The following AP3M1 variants were observed in gnomAD, a reference collection of about 807,000 sequenced individuals.
The protein encoded by AP3M1 is AP-3 complex subunit mu-1.
AP3M1 carries 29 observed loss-of-function variants against 42.6 expected under a neutral mutation model. The ratio of observed to expected loss-of-function variants is 0.68; its 90% CI spans 0.51 to 0.93. The LOEUF (loss-of-function observed/expected upper bound fraction) is 0.93, where lower values mean the gene tolerates loss of function less well. Among genes scored for constraint, AP3M1 ranks in the 40% least tolerant of loss-of-function variants. The pLI, the probability that AP3M1 is intolerant of heterozygous loss-of-function variation, is 0.00. For missense variants in AP3M1, 416 were observed against 510.2 expected, an observed-to-expected ratio of 0.82 and a Z score of 1.78; for synonymous variants, 178 against 175.3, an observed-to-expected ratio of 1.02 and a Z score of -0.12.
intron 1 of AP3M1, among the ~76,000 whole-genome samples, chr10:74,149,282 T>G (rs1028941426): frequency 2.3e-5 from 2 of 88,744 alleles, no homozygotes; most frequent in Non-Finnish European, 2.1e-5. Context: ...TTTTTTTTTT[T>G]TTTTTTTTTT....
chr10:74,133,161 G>A (rs1470290827), intron 4 of AP3M1, among the ~76,000 whole-genome samples: 2 of 152,072 alleles, frequency 1.3e-5, no homozygotes, highest in Non-Finnish European at 2.9e-5. Flanking sequence ...TTGGGAGGCC[G>A]AAACGGGCAG....
rs1280245524 is a variant in AP3M1, at chr10:74,120,908, T to C, written c.*2902A>G. On this transcript the variant is annotated 3_prime_UTR_variant, in exon 9 of 9. Coordinates refer to ENST00000355264, the MANE Select transcript of AP3M1 (RefSeq NM_012095.6). ...AGGGCTATAAAACAGAGTTAGCTTT[T>C]GGGGACATAGTCCTCTTCTTCCTTA... The C allele has an allele frequency of 6.6e-6, 1 of 152,218 alleles. No individual in the cohort carries two copies. Among genetic ancestry groups the C allele is most frequent in the Non-Finnish European group, 1.5e-5 (1 of 68,038 alleles). The allele number at this position is 152,218 out of a possible 1,614,324, so 9.4% of individuals were successfully genotyped here.
chr10:74,147,059 T>C (rs1841351715), intron 1 of AP3M1, among the ~76,000 whole-genome samples: 1 of 151,702 alleles, frequency 6.6e-6, no homozygotes, highest in African/African-American at 2.4e-5. Flanking sequence ...AAAGTGGGAG[T>C]ATCACCTGAG....
At chr10:74,128,413 GT>G (rs1840682776) in intron 6 of AP3M1, among the ~76,000 whole-genome samples, 1 of 151,742 alleles carries the variant, frequency 6.6e-6, no homozygotes, top group African/African-American at 2.4e-5. Context: ...CTAATTTTGT[GT>G]TTTTAGTAGA....
chr10:74,136,642 G>A lies in AP3M1; in HGVS notation c.435C>T (p.Asn145=), dbSNP rs1564549972. The part of the protein sequence containing the change: ...KPPTILRSVV[N]SITGSSNVGD... The stretch of plus-strand genomic sequence containing the variant: ...ATGTTTTCATCTTACCTGTAATAGA[G>A]TTGACAACAGAGCGTAGAATTGTTG... The change falls in exon 3 of 9, where the codon AAC becomes AAT. Residue 145 remains asparagine, a synonymous_variant. Coordinates refer to ENST00000355264, the MANE Select transcript of AP3M1 (RefSeq NM_012095.6). 1.5e-5 allele frequency: 24 copies of A among 1,565,032 alleles called. No individual in the cohort carries two copies. Among genetic ancestry groups the A allele is most frequent in the Non-Finnish European group, 2.1e-5 (24 of 1,143,884 alleles).
Position 74,138,151 on chromosome 10 carries a change from G to T in AP3M1, c.229C>A (p.Leu77Ile). ...VSVIQTEVPPLFVIEFLHRVA... is the reference protein window; with the variant it reads ...VSVIQTEVPPIFVIEFLHRVA... ...CGATGTAGGAACTCAATTACAAAGA[G>T]AGGTGGCACTTCGGTCTGTATGACA... The change falls in exon 2 of 9, where the codon CTC (leucine) becomes ATC (isoleucine). Residue 77 changes from leucine (L) to isoleucine (I), a missense_variant. Leu to Ile is a conservative substitution (Grantham distance 5, BLOSUM62 2). Coordinates refer to ENST00000355264, the MANE Select transcript of AP3M1 (RefSeq NM_012095.6). 1 of 1,614,130 alleles carries T rather than the reference G, an allele frequency of 6.2e-7. No individual in the cohort carries two copies. Among genetic ancestry groups the T allele is most frequent in the Non-Finnish European group, 8.5e-7 (1 of 1,180,006 alleles).
At position 74,124,441 on chromosome 10, in the gene AP3M1, GGGGGCTCCA is replaced by G; in HGVS notation, c.1086_1094del (p.Gly363_Pro365del). ...TGAGGCTCGGATTCTCTTCTGGTTT[GGGGGCTCCA>G]GACTGTAAATTTACCAGTCCTTTAA... On this transcript the variant is annotated inframe_deletion, in exon 8 of 9. Transcript: ENST00000355264. 5.6e-6 allele frequency: 9 copies of G among 1,613,666 alleles called. No homozygotes were observed. Among genetic ancestry groups the G allele is most frequent in the Non-Finnish European group, 7.6e-6 (9 of 1,179,818 alleles).
chr10:74,129,819 C>T (rs1840722131), intron 5 of AP3M1, 88 bp downstream of exon 5: 2 of 933,046 alleles, frequency 2.1e-6, no homozygotes, highest in Admixed American at 3.9e-5. Context: ...ATCTAAGATG[C>T]AAACTTATCT....
intron 1 of AP3M1, among the ~76,000 whole-genome samples, chr10:74,143,392 G>C (rs1444013906): frequency 2.6e-5 from 4 of 152,148 alleles, no homozygotes; most frequent in African/African-American, 7.2e-5. Flanking sequence ...TGGGATTACA[G>C]GTGTGCACCA....
chr10:74,132,658 G>A (rs369135808), intron 4 of AP3M1, among the ~76,000 whole-genome samples: 2 of 151,816 alleles, frequency 1.3e-5, no homozygotes, highest in East Asian at 3.9e-4. Context: ...GCTACAGTAA[G>A]CAGGGACTGC....
chr10:74,143,921 G>A lies in AP3M1; in HGVS notation c.-3-5539C>T, dbSNP rs534387413. On this transcript the variant is annotated intron_variant, in intron 1 of 8. Transcript: ENST00000355264. ...CATGGCTATTGAGCACTTGAAATGT[G>A]GCTAATGTACCCAATACTGAAGTTT... 2.6e-5 allele frequency among the ~76,000 whole-genome samples: 4 copies of A among 152,244 alleles called. No individual in the cohort carries two copies. The East Asian group carries it at 7.7e-4, about 29-fold the overall frequency.
chr10:74,147,171 G>T (rs1177090849), intron 1 of AP3M1, among the ~76,000 whole-genome samples: 1 of 152,118 alleles, frequency 6.6e-6, no homozygotes, highest in African/African-American at 2.4e-5. Flanking sequence ...TGTAATCCCG[G>T]CTGCTCTGGA....
Position 74,124,451 on chromosome 10 carries a change from G to A in AP3M1, c.1085C>T (p.Ser362Phe). 3 of 1,613,792 alleles carry A rather than the reference G, an allele frequency of 1.9e-6. No homozygotes were observed. Among genetic ancestry groups the A allele is most frequent in the Non-Finnish European group, 2.5e-6 (3 of 1,179,866 alleles). Residue 362 changes from serine to phenylalanine, a missense_variant, in exon 8 of 9, where the codon TCT becomes TTT. Coordinates refer to ENST00000355264, the MANE Select transcript of AP3M1 (RefSeq NM_012095.6). ...PSLKGLVNLQ[S>F]GAPKPEENPS... ...ATTCTCTTCTGGTTTGGGGGCTCCAGACTGTAAATTTACCAGTCCTTTAAG... is the reference window on the plus strand; with the variant it reads ...ATTCTCTTCTGGTTTGGGGGCTCCAAACTGTAAATTTACCAGTCCTTTAAG...
Position 74,138,175 on chromosome 10 carries a change from C to T in AP3M1, c.205G>A (p.Val69Ile). 2 of 1,614,124 alleles carry T rather than the reference C, an allele frequency of 1.2e-6. No homozygotes were observed. Among genetic ancestry groups the T allele is most frequent in the Non-Finnish European group, 1.7e-6 (2 of 1,180,016 alleles). Residue 69 changes from valine to isoleucine, a missense_variant, in exon 2 of 9, where the codon GTC becomes ATC. By Grantham distance (29) the Val-to-Ile change is conservative. Coordinates refer to ENST00000355264, the MANE Select transcript of AP3M1 (RefSeq NM_012095.6). ...AGAGGTGGCACTTCGGTCTGTATGACAGATACAAAGAAGAGCTTATCCCGG... is the reference window on the plus strand; with the variant it reads ...AGAGGTGGCACTTCGGTCTGTATGATAGATACAAAGAAGAGCTTATCCCGG... ...IYRDKLFFVS[V>I]IQTEVPPLFV... is the part of the protein sequence containing the mutation.
At chr10:74,126,970 C>CAA (rs58110411) in intron 6 of AP3M1, among the ~76,000 whole-genome samples, 5 of 32,354 alleles carry the variant, frequency 1.5e-4, no homozygotes, top group Non-Finnish European at 2.6e-4. Context: ...GACGCCATCT[C>CAA]AAAAAAAAAA....
intron 6 of AP3M1, among the ~76,000 whole-genome samples, chr10:74,126,970 C>CAAAAAAAA (rs58110411): frequency 3.7e-4 from 12 of 32,354 alleles, no homozygotes; most frequent in East Asian, 3.3e-3. Flanking sequence ...GACGCCATCT[C>CAAAAAAAA]AAAAAAAAAA....
At position 74,120,345 on chromosome 10, in the gene AP3M1, T is replaced by TACAAG. The variant is rs750617799; in HGVS notation, c.*3460_*3464dup. 3.3e-5 allele frequency: 5 copies of TACAAG among 152,316 alleles called. No homozygotes were observed. The East Asian group carries it at 9.6e-4, about 29-fold the overall frequency. 9.4% of individuals were successfully genotyped at this position (152,316 alleles called of 1,614,324 possible). On this transcript the variant is annotated 3_prime_UTR_variant, in exon 9 of 9. Coordinates refer to ENST00000355264, the MANE Select transcript of AP3M1 (RefSeq NM_012095.6). ...ATTTACTTAACAAGGATGTGTGTAA[T>TACAAG]ACAAGACAACCCTGGGGATTACACA...
At chr10:74,136,489 T>C (rs920218302) in intron 3 of AP3M1, 143 bp downstream of exon 3, 9 of 525,660 alleles carry the variant, frequency 1.7e-5, no homozygotes, top group African/African-American at 1.2e-4. Flanking sequence ...AATAAATATA[T>C]AGTACATCCA....
chr10:74,135,009 G>T (rs1840899376), intron 3 of AP3M1, among the ~76,000 whole-genome samples: 1 of 151,872 alleles, frequency 6.6e-6, no homozygotes, highest in South Asian at 2.1e-4. Flanking sequence ...GATAATTTTG[G>T]TTTTTAATTG....
Sources: gnomAD v4.1 joint callset for allele counts (sites outside exome capture counted in the v4.1 genomes callset) on GRCh38, gnomAD v4.1.1 for gene constraint, MANE v1.5 for transcripts, NCBI Gene and HGNC (gene_info 2026-07-23, HGNC 2026-07-21) for gene names.